The following KIF13B variants were observed in gnomAD, a reference collection of about 807,000 sequenced individuals.
KIF13B encodes kinesin-like protein KIF13B.
Under a neutral mutation model 222.0 loss-of-function variants are expected in KIF13B, and 127 were observed. The ratio of observed to expected loss-of-function variants is 0.57; its 90% CI spans 0.50 to 0.66. The LOEUF (loss-of-function observed/expected upper bound fraction) is 0.66. Among genes scored for constraint, KIF13B ranks in the 30% least tolerant of loss-of-function variants. KIF13B has a pLI of 0.00. For missense variants in KIF13B, 2,173 were observed against 2,379.0 expected (o/e 0.91, Z 1.80); for synonymous variants, 976 against 919.0 (o/e 1.06, Z -1.12).
At chr8:29,224,074 C>T (rs544184625) in intron 2 of KIF13B, among the ~76,000 whole-genome samples, 193 of 151,478 alleles carry the variant, frequency 1.3e-3, no homozygotes, top group African/African-American at 4.6e-3. Flanking sequence ...TCTTGGCTCA[C>T]TGCAAGCTCC....
intron 1 of KIF13B, among the ~76,000 whole-genome samples, chr8:29,257,333 G>GTT (rs149320937): frequency 7.9e-4 from 118 of 149,278 alleles, no homozygotes; most frequent in Middle Eastern, 3.4e-3. Context: ...TCTTGGTCGA[G>GTT]TTTTTGTTTT....
At chr8:29,113,196 A>G (rs944331263) in intron 32 of KIF13B, among the ~76,000 whole-genome samples, 1 of 152,168 alleles carries the variant, frequency 6.6e-6, no homozygotes, top group Non-Finnish European at 1.5e-5. Flanking sequence ...CCTGGGTACA[A>G]TATGTTTCTC....
chr8:29,127,354 G>T, intron 24 of KIF13B, 86 bp from the exon 25 acceptor site: 1 of 1,158,690 alleles, frequency 8.6e-7, no homozygotes, highest in Non-Finnish European at 1.2e-6. Flanking sequence ...GGCTGATGTT[G>T]AGAAAAATGT....
Position 29,196,140 on chromosome 8 carries a change from G to A in KIF13B, c.162+47C>T, listed in dbSNP as rs1359425407. 6.1e-6 allele frequency: 9 copies of A among 1,476,192 alleles called. No homozygotes were observed. The Admixed American group carries it at 1.5e-4, about 24-fold the overall frequency. 91.4% of individuals were successfully genotyped at this position (1,476,192 alleles called of 1,614,324 possible). A position where few individuals can be genotyped will look rare whatever the true frequency, so the allele number is the denominator to read the frequency against. ...AAAACTTCTAAGAGTTCAACAACATGCATATAAGATCTTTACAAGCATCAC... is the reference window on the plus strand; with the variant it reads ...AAAACTTCTAAGAGTTCAACAACATACATATAAGATCTTTACAAGCATCAC... On this transcript the variant is annotated intron_variant, in intron 3 of 39. Coordinates refer to ENST00000524189, the MANE Select transcript of KIF13B (RefSeq NM_015254.4).
intron 2 of KIF13B, among the ~76,000 whole-genome samples, chr8:29,235,162 T>C (rs762381487): frequency 1.3e-5 from 2 of 152,132 alleles, no homozygotes; most frequent in Non-Finnish European, 2.9e-5. Context: ...AGCTCTATAA[T>C]GGCTTAAAAA....
chr8:29,243,485 T>C (rs937823570), intron 2 of KIF13B, among the ~76,000 whole-genome samples: 1 of 151,944 alleles, frequency 6.6e-6, no homozygotes, highest in African/African-American at 2.4e-5. Flanking sequence ...GGCAAAACTC[T>C]GTCTCTACTA....
Position 29,071,937 on chromosome 8 carries a change from C to A in KIF13B, c.4901G>T (p.Arg1634Leu), listed in dbSNP as rs1807305672. The A allele has an allele frequency of 2.9e-6, 4 of 1,396,272 alleles. No individual in the cohort carries two copies. The East Asian group carries it at 1.3e-4, about 45-fold the overall frequency. 86.5% of individuals were successfully genotyped at this position (1,396,272 alleles called of 1,614,324 possible). A position where few individuals can be genotyped will look rare whatever the true frequency, so the allele number is the denominator to read the frequency against. Residue 1634 changes from arginine (R) to leucine (L), a missense_variant, in exon 39 of 40, where the codon CGC becomes CTC. Around this residue, in one of 2 missense-constraint regions of KIF13B, gnomAD observed 693 missense variants for 656.2 expected, o/e 1.06. Coordinates refer to ENST00000524189, the MANE Select transcript of KIF13B (RefSeq NM_015254.4). This position sits in a 1 kb window ranked among gnomAD's most constrained non-coding sequence, Gnocchi z 4.9. ...GGGCGCCGGGGCCTCGAGGTCGGGGCGCTCCCGACCGGGGCTCACGAGCTG... is the reference window on the plus strand; with the variant it reads ...GGGCGCCGGGGCCTCGAGGTCGGGGAGCTCCCGACCGGGGCTCACGAGCTG... ...PQQLVSPGRE[R>L]PDLEAPAPGS...
At position 29,113,567 on chromosome 8, in the gene KIF13B, C is replaced by A. The variant is rs184811185; in HGVS notation, c.3838-12G>T. 4.2e-5 allele frequency: 63 copies of A among 1,502,882 alleles called. 2 individuals are homozygous for A. The East Asian group carries it at 1.5e-3, about 35-fold the overall frequency. 93.1% of individuals were successfully genotyped at this position (1,502,882 alleles called of 1,614,324 possible). ...CTCTGTGCAAAACCCTAGAGAAAAACAAAATAGAAGATATGGTTTCCCACC... is the reference window on the plus strand; with the variant it reads ...CTCTGTGCAAAACCCTAGAGAAAAAAAAAATAGAAGATATGGTTTCCCACC... On this transcript the variant is annotated splice_polypyrimidine_tract_variant and intron_variant, in intron 31 of 39. Transcript: ENST00000524189.
At chr8:29,081,248 C>T (rs1807797224) in intron 37 of KIF13B, among the ~76,000 whole-genome samples, 2 of 152,214 alleles carry the variant, frequency 1.3e-5, no homozygotes, top group South Asian at 4.1e-4. Context: ...ACTCCTGAGG[C>T]TCTGTAACCT....
chr8:29,262,435 G>A (rs185221863), intron 1 of KIF13B, among the ~76,000 whole-genome samples: 3 of 152,342 alleles, frequency 2.0e-5, no homozygotes, highest in Admixed American at 1.3e-4. Flanking sequence ...CCAGGTGGAA[G>A]GAACTCGCCG....
At position 29,072,028 on chromosome 8, in the gene KIF13B, C is replaced by T. The variant is rs2133467422; in HGVS notation, c.4810G>A (p.Glu1604Lys). 5 of 1,294,188 alleles carry T rather than the reference C, an allele frequency of 3.9e-6. No homozygotes were observed. The East Asian group carries it at 9.5e-5, about 25-fold the overall frequency. The allele number at this position is 1,294,188 out of a possible 1,614,324, so 80.2% of individuals were successfully genotyped here. The change falls in exon 39 of 40, where the codon GAG (glutamate) becomes AAG (lysine). Residue 1604 changes from glutamate to lysine, a missense_variant. This residue lies in a region of KIF13B where 693 missense variants were observed against 656.2 expected (regional missense o/e 1.06). Coordinates refer to ENST00000524189, the MANE Select transcript of KIF13B (RefSeq NM_015254.4). The stretch of plus-strand genomic sequence containing the variant: ...GGTGGGGGGTGGCTGATGGGCGCCT[C>T]GGGCTCGGCCTCAGGGGCGGTGGGC... ...SMPTAPEAEP[E>K]APISHPPPPT...
chr8:29,148,345 T>C (rs1242090564), intron 16 of KIF13B, among the ~76,000 whole-genome samples: 1 of 151,726 alleles, frequency 6.6e-6, no homozygotes, highest in East Asian at 1.9e-4. Context: ...ATAAAGATTT[T>C]CCTTTTTGTT....
intron 8 of KIF13B, 67 bp downstream of exon 8, chr8:29,180,037 G>A: frequency 6.4e-7 from 1 of 1,572,638 alleles, no homozygotes; most frequent in Non-Finnish European, 8.7e-7. Flanking sequence ...AACACCTGAA[G>A]AGGAAAAAAA....
chr8:29,237,097 A>G (rs1384180330), intron 2 of KIF13B, among the ~76,000 whole-genome samples: 3 of 152,170 alleles, frequency 2.0e-5, no homozygotes, highest in African/African-American at 7.2e-5. Flanking sequence ...TTATGATACA[A>G]CAACTTTTGT....
chr8:29,127,472 A>T (rs1810164761), intron 24 of KIF13B, among the ~76,000 whole-genome samples: 1 of 152,228 alleles, frequency 6.6e-6, no homozygotes, highest in African/African-American at 2.4e-5. Flanking sequence ...AAACAGAATA[A>T]ATATATGTTT....
chr8:29,261,836 GAGA>G (rs1816691438), intron 1 of KIF13B, among the ~76,000 whole-genome samples: 2 of 152,022 alleles, frequency 1.3e-5, no homozygotes, highest in African/African-American at 2.4e-5. Context: ...CAATTTCCCC[GAGA>G]AGGACAAACC....
intron 26 of KIF13B, among the ~76,000 whole-genome samples, chr8:29,125,747 G>GAGA (rs1810079436): frequency 7.0e-6 from 1 of 143,452 alleles, no homozygotes; most frequent in Non-Finnish European, 1.5e-5. Flanking sequence ...GAAAACAAAG[G>GAGA]AAAAAAAAAA....
chr8:29,236,787 G>C (rs886314017), intron 2 of KIF13B, among the ~76,000 whole-genome samples: 4 of 152,100 alleles, frequency 2.6e-5, no homozygotes, highest in Non-Finnish European at 4.4e-5. Context: ...GCTTTTCTTT[G>C]TAAAAGAAAA....
intron 2 of KIF13B, 128 bp from the exon 3 acceptor site, chr8:29,196,327 T>C: frequency 9.1e-6 from 7 of 772,126 alleles, no homozygotes; most frequent in Non-Finnish European, 1.3e-5. Flanking sequence ...AGTAAGAATA[T>C]AAAATAATAC....
Sources: gnomAD v4.1 joint callset for allele counts (sites outside exome capture counted in the v4.1 genomes callset) on GRCh38, gnomAD v4.1.1 for gene constraint, gnomAD v4.1.1 regional missense constraint, Gnocchi (gnomAD v3.1) non-coding constraint, MANE v1.5 for transcripts, NCBI Gene and HGNC (gene_info 2026-07-23, HGNC 2026-07-21) for gene names.